Variants in PHF20L1 observed in about 807,000 individuals in gnomAD.
PHF20L1 encodes the protein PHD finger protein 20 like 1, also known as PHD finger protein 20-like protein 1.
A neutral mutation model predicts 125.5 loss-of-function variants in PHF20L1; 44 were observed. The ratio of observed to expected loss-of-function variants is 0.35; its 90% CI spans 0.28 to 0.45. The LOEUF is 0.45. PHF20L1 is among the 20% of genes least tolerant of loss of function. PHF20L1 has a pLI of 1.00. For synonymous variants in PHF20L1, 380 were observed against 403.1 expected (o/e 0.94, Z 0.69); for missense variants, 1,012 against 1,217.2 (o/e 0.83, Z 2.51).
At chr8:132,828,987 T>C (rs73345702) in intron 14 of PHF20L1, among the ~76,000 whole-genome samples, 1,608 of 152,100 alleles carry the variant, frequency 0.011, 28 homozygotes, top group African/African-American at 0.036. Flanking sequence ...AAAATAAATA[T>C]TTAAGCTAGA....
chr8:132,798,737 T>C (rs770482753), intron 4 of PHF20L1, 35 bp from the exon 5 acceptor site: 1 of 1,352,412 alleles, frequency 7.4e-7, no homozygotes, highest in South Asian at 1.2e-5. Flanking sequence ...ACTTGAATTA[T>C]ATTTTCTAAT....
chr8:132,812,809 A>G, intron 9 of PHF20L1: 1 of 982,894 alleles, frequency 1.0e-6, no homozygotes. Flanking sequence ...TTTCCTAATG[A>G]GTTAAAGTAA....
At chr8:132,838,055 T>C (rs1036688164) in intron 17 of PHF20L1, 1 of 388,068 alleles carries the variant, frequency 2.6e-6, no homozygotes, top group Non-Finnish European at 4.9e-6. Context: ...TCCAAGAACC[T>C]ATTGATTACC....
At chr8:132,812,549 A>AC (rs1462146593) in intron 9 of PHF20L1, 1 of 984,690 alleles carries the variant, frequency 1.0e-6, no homozygotes, top group Non-Finnish European at 1.2e-6. Context: ...TAACAAAGAG[A>AC]CCAACAATCA....
Position 132,832,161 on chromosome 8 carries a change from A to G in PHF20L1, c.1745-74A>G, listed in dbSNP as rs1587048830. 6.4e-6 allele frequency: 6 copies of G among 941,284 alleles called. No individual in the cohort carries two copies. In the East Asian group the frequency reaches 1.2e-4, roughly 19 times the overall value. The allele number at this position is 941,284 out of a possible 1,614,324, so 58.3% of individuals were successfully genotyped here. On this transcript the variant is annotated intron_variant, in intron 14 of 20. Transcript: ENST00000395386. ...ATTATTTGGTGTATCCTGAAACATG[A>G]CTTTCGTTATTTTTATAGTGACCTT...
At chr8:132,816,520 T>C (rs564934870) in intron 10 of PHF20L1, 1 of 176,468 alleles carries the variant, frequency 5.7e-6, no homozygotes, top group Admixed American at 5.5e-5. Context: ...CATATATATA[T>C]ATTTTTCCTT....
intron 6 of PHF20L1, among the ~76,000 whole-genome samples, chr8:132,800,413 A>T (rs1007124610): frequency 4.6e-5 from 7 of 151,758 alleles, no homozygotes; most frequent in East Asian, 1.9e-4. Flanking sequence ...TTTATAAATG[A>T]CTCTCATTTT....
rs763061618 is a variant in PHF20L1 at position 132,842,589 on chromosome 8, G to T, written c.2462G>T (p.Gly821Val). Residue 821 changes from glycine to valine, a missense_variant, in exon 19 of 21, where the codon GGG becomes GTG. This residue lies in a region of PHF20L1 where 277 missense variants were observed against 283.6 expected (regional missense o/e 0.98). Transcript: ENST00000395386. ...KRKDQDQIIA[G>V]VEKKIAQDTV... ...AAAGACCAAGATCAAATAATAGCTGGGGTGGAGAAAAAAATAGCTCAAGAC... is the reference window on the plus strand; with the variant it reads ...AAAGACCAAGATCAAATAATAGCTGTGGTGGAGAAAAAAATAGCTCAAGAC... The T allele has an allele frequency of 6.2e-7, 1 of 1,612,560 alleles. No homozygotes were observed.
intron 9 of PHF20L1, chr8:132,812,420 TAGAG>T (rs1007684605): frequency 7.9e-5 from 78 of 985,122 alleles, no homozygotes; most frequent in Middle Eastern, 1.0e-3. Flanking sequence ...GTACCCGTCT[TAGAG>T]AGAAGTACAG....
chr8:132,807,143 T>C (rs1046603237), intron 8 of PHF20L1: 1 of 152,262 alleles, frequency 6.6e-6, no homozygotes, highest in African/African-American at 2.4e-5. Flanking sequence ...TATATTTCTA[T>C]GTATACACAT....
intron 4 of PHF20L1, among the ~76,000 whole-genome samples, chr8:132,795,211 C>T (rs1345324729): frequency 6.6e-6 from 1 of 152,056 alleles, no homozygotes; most frequent in African/African-American, 2.4e-5. Context: ...AAGTGAAATA[C>T]ATAGGATATT....
At chr8:132,824,679 A>C (rs1282849412) in intron 13 of PHF20L1, 1 of 172,766 alleles carries the variant, frequency 5.8e-6, no homozygotes, top group Admixed American at 5.5e-5. Flanking sequence ...TTTTAAGTAC[A>C]TATGATTGGG....
chr8:132,818,684 T>C (rs1210875440), intron 12 of PHF20L1: 1 of 151,922 alleles, frequency 6.6e-6, no homozygotes, highest in Non-Finnish European at 1.5e-5. Context: ...CTTTTGACTC[T>C]TGGTCTTTCC....
chr8:132,782,827 G>C (rs1372223899), intron 2 of PHF20L1, among the ~76,000 whole-genome samples: 1 of 149,830 alleles, frequency 6.7e-6, no homozygotes, highest in African/African-American at 2.5e-5. Flanking sequence ...GGCTGGTCTT[G>C]AACTCATGGG....
intron 18 of PHF20L1, chr8:132,842,306 G>A (rs556630087): frequency 1.2e-5 from 5 of 426,352 alleles, no homozygotes; most frequent in African/African-American, 8.1e-5. Context: ...AATTAAATTT[G>A]TTATTGCTTT....
At chr8:132,804,077 C>T (rs1833403790) in intron 7 of PHF20L1, 45 bp downstream of exon 7, 1 of 1,272,918 alleles carries the variant, frequency 7.9e-7, no homozygotes, top group Non-Finnish European at 1.1e-6. Flanking sequence ...CACTGGTAAA[C>T]TCATGTAGTA....
At chr8:132,825,109 C>T in intron 13 of PHF20L1, 155 bp from the exon 14 acceptor site, 1 of 1,533,772 alleles carries the variant, frequency 6.5e-7, no homozygotes, top group African/African-American at 1.4e-5. Context: ...ATCAGGACTT[C>T]CAGAGTCATG....
At chr8:132,786,090 A>G (rs891832228) in intron 2 of PHF20L1, among the ~76,000 whole-genome samples, 2 of 152,126 alleles carry the variant, frequency 1.3e-5, no homozygotes, top group African/African-American at 4.8e-5. Context: ...TAAACATAAG[A>G]TGATATTTGT....
chr8:132,775,662 G>T lies in PHF20L1; in HGVS notation c.-38+17G>T. ...GCCGAGTCGGTAAGAGGCGGCGGCG[G>T]CTGAGCCGGCAGGCCGCCTGGCCCC... On this transcript the variant is annotated intron_variant, in intron 1 of 20. Transcript: ENST00000395386. The T allele has an allele frequency of 3.0e-6, 1 of 335,450 alleles. No homozygotes were observed. Among genetic ancestry groups the T allele is most frequent in the Non-Finnish European group, 5.4e-6 (1 of 185,728 alleles). 20.8% of individuals were successfully genotyped at this position (335,450 alleles called of 1,614,324 possible). A position where few individuals can be genotyped will look rare whatever the true frequency, so the allele number is the denominator to read the frequency against.
Sources: gnomAD v4.1 joint callset for allele counts (sites outside exome capture counted in the v4.1 genomes callset) on GRCh38, gnomAD v4.1.1 for gene constraint, gnomAD v4.1.1 regional missense constraint, MANE v1.5 for transcripts, NCBI Gene and HGNC (gene_info 2026-07-23, HGNC 2026-07-21) for gene names.